The following IFI16 variants were observed in gnomAD, a reference collection of about 807,000 sequenced individuals.
The protein encoded by IFI16 is gamma-interferon-inducible protein 16.
In IFI16, 49 loss-of-function variants were observed where a neutral mutation model predicts 68.4. The observed-to-expected ratio is 0.72, with a 90% CI of 0.57 to 0.91. The LOEUF (loss-of-function observed/expected upper bound fraction) is 0.91. Ranked by LOEUF, IFI16 falls within the 40% of genes least tolerant of loss-of-function variation. The pLI is 0.00. For missense variants in IFI16, 878 were observed against 942.9 expected (o/e 0.93, Z 0.90); for synonymous variants, 307 against 315.0 (o/e 0.97, Z 0.27).
chr1:159,054,565 C>T (rs543098016), intron 11 of IFI16, among the ~76,000 whole-genome samples: 1 of 152,336 alleles, frequency 6.6e-6, no homozygotes, highest in Non-Finnish European at 1.5e-5. Flanking sequence ...TGTTCCCTGA[C>T]ATCTCCTGCT....
At chr1:159,047,793 C>T (rs1224949168) in intron 8 of IFI16, among the ~76,000 whole-genome samples, 1 of 147,042 alleles carries the variant, frequency 6.8e-6, no homozygotes, top group African/African-American at 2.5e-5. Context: ...TTCTTTCTGA[C>T]TTTAATTCAA....
Position 159,049,790 on chromosome 1 carries a change from T to G in IFI16, c.1665+191T>G, listed in dbSNP as rs1655228758. On this transcript the variant is annotated intron_variant, in intron 9 of 11. Transcript: ENST00000295809. ...TAAAATTCTGTTTTTATCATCTCTA[T>G]TCCATAACAGGTATAATTAGATGTT... Among the ~76,000 whole-genome samples, 4 of 152,232 alleles carry G rather than the reference T, an allele frequency of 2.6e-5. No homozygotes were observed. In the South Asian group the frequency reaches 8.3e-4, roughly 32 times the overall value.
At chr1:159,023,645 T>C (rs1246149973) in intron 6 of IFI16, among the ~76,000 whole-genome samples, 5 of 151,920 alleles carry the variant, frequency 3.3e-5, no homozygotes, top group African/African-American at 1.2e-4. Context: ...TTTAGGTTGG[T>C]GAAATGCCAG....
chr1:159,027,570 TTCTC>T (rs1328970884), intron 6 of IFI16, among the ~76,000 whole-genome samples: 1 of 151,892 alleles, frequency 6.6e-6, no homozygotes, highest in Admixed American at 6.5e-5. Context: ...GATTCTCTCT[TTCTC>T]TATCTTGTGA....
At chr1:159,004,434 G>A (rs1480643275), upstream of IFI16, among the ~76,000 whole-genome samples, 2 of 152,130 alleles carry the variant, frequency 1.3e-5, no homozygotes, top group Non-Finnish European at 2.9e-5. Context: ...GCCGGGCATC[G>A]TGACTCACGC....
Position 159,052,056 on chromosome 1 carries a change from A to T in IFI16, c.2043A>T (p.Gln681His). Residue 681 changes from glutamine (Q) to histidine (H), a missense_variant, in exon 10 of 12, where the codon CAA becomes CAT. Physicochemically the swap from Gln to His is conservative, Grantham distance 24 (BLOSUM62 0). Transcript: ENST00000295809. The part of the protein sequence containing the change: ...VTPKINQLCS[Q>H]TKGSFVNGVF... ...CTAAAATCAATCAGCTTTGCTCACA[A>T]ACTAAAGGAAGTTTTGTGAATGGGG... is the stretch of plus-strand genomic sequence containing the variant. 6.2e-7 allele frequency: 1 copy of T among 1,613,592 alleles called. No individual in the cohort carries two copies. The highest frequency in any genetic ancestry group is 1.7e-5 in the Admixed American group (1 of 60,012).
chr1:159,028,292 G>T (rs1049039845), intron 6 of IFI16, among the ~76,000 whole-genome samples: 1 of 152,234 alleles, frequency 6.6e-6, no homozygotes, highest in Non-Finnish European at 1.5e-5. Context: ...ACGGGAGCAG[G>T]TTATTTAATT....
At chr1:159,051,154 C>T (rs1655333186) in intron 9 of IFI16, among the ~76,000 whole-genome samples, 1 of 152,000 alleles carries the variant, frequency 6.6e-6, no homozygotes, top group Non-Finnish European at 1.5e-5. Flanking sequence ...TGTAGGAGAG[C>T]ACTTTGAATT....
In IFI16 at chr1:159,048,218, A is replaced by G. The variant is rs1655114127; in HGVS notation, c.1498-1214A>G. On this transcript the variant is annotated intron_variant, in intron 8 of 11. Transcript: ENST00000295809. ...ACCCCTAATAGATCGTGGAAAAATA[A>G]TAGCAACAAAGATTTATTTATTGAG... Among the ~76,000 whole-genome samples, 3 of 151,346 alleles carry G rather than the reference A, an allele frequency of 2.0e-5. 1 individual carries two copies. In the Admixed American group the frequency reaches 2.0e-4, roughly 10 times the overall value.
chr1:159,021,299 C>T (rs997257141), intron 6 of IFI16, among the ~76,000 whole-genome samples: 1 of 152,154 alleles, frequency 6.6e-6, no homozygotes, highest in African/African-American at 2.4e-5. Context: ...CATTCTTATG[C>T]CTTTGTGTCC....
At chr1:159,012,752 A>G (rs186998485) in intron 1 of IFI16, among the ~76,000 whole-genome samples, 10 of 152,298 alleles carry the variant, frequency 6.6e-5, no homozygotes, top group Non-Finnish European at 1.5e-5. Context: ...TCCTGTACCA[A>G]TTAGGCGGGA....
chr1:159,012,912 T>G (rs992670133), intron 1 of IFI16, among the ~76,000 whole-genome samples: 1 of 152,188 alleles, frequency 6.6e-6, no homozygotes, highest in Non-Finnish European at 1.5e-5. Context: ...GCAATTGATA[T>G]GGAACTTTGG....
intron 5 of IFI16, among the ~76,000 whole-genome samples, chr1:159,019,159 T>C (rs1200073915): frequency 6.6e-6 from 1 of 151,866 alleles, no homozygotes; most frequent in Admixed American, 6.6e-5. Flanking sequence ...TCTGACCAAA[T>C]GAAACTAATT....
rs1101987 is a variant in IFI16, at chr1:159,022,395, A to T, written c.1161+1866A>T. 6.1e-3 allele frequency among the ~76,000 whole-genome samples: 936 copies of T among 152,292 alleles called. 7 individuals are homozygous for T. The highest frequency in any genetic ancestry group is 0.011 in the Non-Finnish European group (723 of 68,022). On this transcript the variant is annotated intron_variant, in intron 6 of 11. Transcript: ENST00000295809. ...TTTATACTTTTTGTAGAAAGGGTAC[A>T]CTCGCCAGCAGTTTTGCCACAAGAG...
chr1:159,048,679 T>C (rs1655146336), intron 8 of IFI16, among the ~76,000 whole-genome samples: 1 of 151,522 alleles, frequency 6.6e-6, no homozygotes, highest in Admixed American at 6.6e-5. Flanking sequence ...GGTTACTGAA[T>C]GGCAAAACTG....
At chr1:159,023,128 T>A (rs1450099159) in intron 6 of IFI16, among the ~76,000 whole-genome samples, 1 of 152,112 alleles carries the variant, frequency 6.6e-6, no homozygotes, top group Non-Finnish European at 1.5e-5. Context: ...TTTTTTTTTA[T>A]CCGCTGAACC....
intron 6 of IFI16, among the ~76,000 whole-genome samples, chr1:159,030,881 G>GGC (rs201159461): frequency 6.8e-6 from 1 of 147,182 alleles, no homozygotes; most frequent in Non-Finnish European, 1.5e-5. Flanking sequence ...GTGGGTGGGG[G>GGC]GGCCACAGAG....
At chr1:159,015,825 C>A in intron 2 of IFI16, 47 bp from the exon 3 acceptor site, 1 of 1,385,054 alleles carries the variant, frequency 7.2e-7, no homozygotes. Context: ...GTTTATATGT[C>A]TTCCTTTTTT....
intron 11 of IFI16, 120 bp downstream of exon 11, chr1:159,053,844 C>T (rs1222932514): frequency 1.0e-5 from 7 of 680,066 alleles, no homozygotes; most frequent in Non-Finnish European, 1.4e-5. Context: ...CAAAGCCTTG[C>T]ACTTTACTGG....
Sources: allele counts gnomAD v4.1 joint callset (sites outside exome capture counted in the v4.1 genomes callset), GRCh38; gene constraint gnomAD v4.1.1; transcripts MANE v1.5; gene names NCBI Gene and HGNC (gene_info 2026-07-23, HGNC 2026-07-21).